The following UBR2 variants were observed in gnomAD, a reference collection of about 807,000 sequenced individuals.
UBR2 encodes E3 ubiquitin-protein ligase UBR2.
A neutral mutation model predicts 247.9 loss-of-function variants in UBR2; 92 were observed. The observed-to-expected ratio is 0.37, with a 90% CI of 0.31 to 0.44. UBR2 has a LOEUF of 0.44. UBR2 is among the 20% of genes least tolerant of loss of function. UBR2 has a pLI of 1.00. For missense variants in UBR2, 1,613 were observed against 2,112.6 expected (o/e 0.76, Z 4.64); for synonymous variants, 672 against 693.5 (o/e 0.97, Z 0.49).
chr6:42,670,923 C>T (rs569414780), intron 36 of UBR2, among the ~76,000 whole-genome samples: 27 of 152,324 alleles, frequency 1.8e-4, no homozygotes, highest in African/African-American at 6.5e-4. Flanking sequence ...CAGTGGCCCA[C>T]GCCTGTAATC....
At chr6:42,675,185 C>G (rs6905797) in intron 38 of UBR2, among the ~76,000 whole-genome samples, 37,067 of 152,068 alleles carry the variant, frequency 0.24, 4,915 homozygotes, top group East Asian at 0.46. Context: ...GTTCTCATTG[C>G]TGCAACTAAA....
At chr6:42,576,716 T>C (rs919709903) in intron 2 of UBR2, among the ~76,000 whole-genome samples, 3 of 152,092 alleles carry the variant, frequency 2.0e-5, no homozygotes, top group African/African-American at 7.2e-5. Context: ...GGATGGGGTT[T>C]CACCACATTG....
In UBR2 at chr6:42,658,705, C is replaced by T. The variant is rs1298623942; in HGVS notation, c.3123C>T (p.Arg1041=). The stretch of plus-strand genomic sequence containing the variant: ...GAAAAGCAGAGATTGCCAGACTGCG[C>T]AGAGAAAAGATCATGGCTCAGATGT... ...RKRKAEIARL[R]REKIMAQMSE... The change falls in exon 29 of 47, where the codon CGC becomes CGT. Residue 1041 remains arginine, a synonymous_variant. Coordinates refer to ENST00000372901, the MANE Select transcript of UBR2 (RefSeq NM_001363705.2). 1.2e-6 allele frequency: 2 copies of T among 1,613,094 alleles called. No homozygotes were observed. Among genetic ancestry groups the T allele is most frequent in the South Asian group, 1.1e-5 (1 of 90,980 alleles).
Position 42,603,723 on chromosome 6 carries a change from G to T in UBR2, c.662+5G>T. 6.3e-7 allele frequency: 1 copy of T among 1,591,554 alleles called. No homozygotes were observed. The highest frequency in any genetic ancestry group is 1.2e-5 in the South Asian group (1 of 85,726). On this transcript the variant is annotated splice_donor_5th_base_variant and intron_variant, in intron 5 of 46. Transcript: ENST00000372901. ...GCCAGCAGATTTAGAGATGGTGTAA[G>T]TATAACCTGTTTATTCTTCATGTAT... is the stretch of plus-strand genomic sequence containing the variant.
At chr6:42,599,569 A>C (rs1793222073) in intron 4 of UBR2, among the ~76,000 whole-genome samples, 1 of 152,168 alleles carries the variant, frequency 6.6e-6, no homozygotes, top group Non-Finnish European at 1.5e-5. Context: ...TTTAAAAAGC[A>C]TTTTTAGCAG....
At position 42,667,655 on chromosome 6, in the gene UBR2, C is replaced by T. The variant is rs1314251452; in HGVS notation, c.3881+1410C>T. Among the ~76,000 whole-genome samples the T allele has an allele frequency of 2.3e-4, 9 of 38,964 alleles. No homozygotes were observed. In the Admixed American group the frequency reaches 2.4e-3, roughly 10 times the overall value. The allele number at this position is 38,964 out of a possible 152,430, so 25.6% of individuals were successfully genotyped here. ...GTCGCCCAGGCTCAGTTTTGTCTTT[C>T]TTATAGTTAATAATTACCTTGTCTT... On this transcript the variant is annotated intron_variant, in intron 34 of 46. Coordinates refer to ENST00000372901, the MANE Select transcript of UBR2 (RefSeq NM_001363705.2).
chr6:42,599,666 TTGAGA>T (rs1253049795), intron 4 of UBR2, among the ~76,000 whole-genome samples: 2 of 152,214 alleles, frequency 1.3e-5, no homozygotes, highest in Middle Eastern at 3.4e-3. Context: ...TTTTGTTTTG[TTGAGA>T]TGAGGTCTTG....
At chr6:42,675,997 A>G in intron 38 of UBR2, 59 bp from the exon 39 acceptor site, 1 of 1,508,800 alleles carries the variant, frequency 6.6e-7, no homozygotes, top group Non-Finnish European at 8.8e-7. Context: ...AGAAGATGGA[A>G]ATTTGCTTAG....
chr6:42,609,819 C>T lies in UBR2; in HGVS notation c.865-2352C>T, dbSNP rs113107034. Among the ~76,000 whole-genome samples the T allele has an allele frequency of 1.2e-3, 188 of 150,854 alleles. 3 individuals carry two copies. The highest frequency in any genetic ancestry group is 4.3e-3 in the African/African-American group (178 of 41,080). On this transcript the variant is annotated intron_variant, in intron 7 of 46. Coordinates refer to ENST00000372901, the MANE Select transcript of UBR2 (RefSeq NM_001363705.2). The stretch of plus-strand genomic sequence containing the variant: ...CTAAGGTAAGAGGATTGCTTGAGCC[C>T]GGGAGGTTGAGGCTGCAGTGAGCTG...
rs573871012 is a variant in UBR2, at chr6:42,674,090, T to G, written c.4184-36T>G. 1.6e-5 allele frequency: 25 copies of G among 1,591,786 alleles called. No homozygotes were observed. The Admixed American group carries it at 4.3e-4, about 28-fold the overall frequency. Reference sequence around the variant, plus strand: ...ATATGCATTTTAACATGTTGGCATATGAAATATGCTAATGTATTTCTCTTT... The same window carrying G: ...ATATGCATTTTAACATGTTGGCATAGGAAATATGCTAATGTATTTCTCTTT... On this transcript the variant is annotated intron_variant, in intron 37 of 46. Coordinates refer to ENST00000372901, the MANE Select transcript of UBR2 (RefSeq NM_001363705.2).
chr6:42,598,906 T>C (rs774502436), intron 4 of UBR2, among the ~76,000 whole-genome samples: 5 of 152,192 alleles, frequency 3.3e-5, no homozygotes, highest in Non-Finnish European at 7.3e-5. Context: ...TTTTTACATC[T>C]TTTTTAATAT....
chr6:42,661,935 CAT>C (rs1434037626), intron 30 of UBR2, among the ~76,000 whole-genome samples: 1 of 152,178 alleles, frequency 6.6e-6, no homozygotes, highest in East Asian at 1.9e-4. Context: ...TATTTAAATT[CAT>C]AGTTCTAATT....
chr6:42,574,301 A>G (rs1005742061), intron 2 of UBR2, among the ~76,000 whole-genome samples: 2 of 152,120 alleles, frequency 1.3e-5, no homozygotes, highest in Non-Finnish European at 2.9e-5. Flanking sequence ...TAGTTACAGT[A>G]ATTCTGATGT....
chr6:42,592,833 C>G (rs1792752340), intron 3 of UBR2, among the ~76,000 whole-genome samples: 1 of 152,098 alleles, frequency 6.6e-6, no homozygotes, highest in African/African-American at 2.4e-5. Flanking sequence ...AACTTTTCCT[C>G]CTGTTTGTTT....
Position 42,619,425 on chromosome 6 carries a change from ATATATATATATATATATATATATATATAT to A in UBR2, c.1281+1920_1281+1948del, listed in dbSNP as rs1375748801. On this transcript the variant is annotated intron_variant, in intron 11 of 46. Transcript: ENST00000372901. ...TCTCGTTATGAACATATATATATAT[ATATATATATATATATATATATATATATAT>A]TTTTTTTTTTTAGTTCTCTATCTCT... is the stretch of plus-strand genomic sequence containing the variant. 2.3e-4 allele frequency: 3 copies of A among 12,832 alleles called. 1 individual carries two copies. The highest frequency in any genetic ancestry group is 4.4e-4 in the Non-Finnish European group (3 of 6,836). The allele number at this position is 12,832 out of a possible 1,614,324, so 0.8% of individuals were successfully genotyped here.
chr6:42,575,373 A>G (rs951203273), intron 2 of UBR2, among the ~76,000 whole-genome samples: 1 of 152,198 alleles, frequency 6.6e-6, no homozygotes, highest in African/African-American at 2.4e-5. Context: ...CTATTACAGA[A>G]ACTACTTTGA....
intron 11 of UBR2, among the ~76,000 whole-genome samples, chr6:42,628,822 G>A (rs989818056): frequency 6.6e-6 from 1 of 151,492 alleles, no homozygotes; most frequent in Admixed American, 6.6e-5. Flanking sequence ...CATTATCCCT[G>A]TATGCTATGG....
intron 1 of UBR2, among the ~76,000 whole-genome samples, chr6:42,569,475 T>C (rs1215798633): frequency 1.3e-5 from 2 of 152,212 alleles, no homozygotes; most frequent in Non-Finnish European, 2.9e-5. Flanking sequence ...TTTCAATTAG[T>C]CTTTTGACCT....
At position 42,652,718 on chromosome 6, in the gene UBR2, A is replaced by G. The variant is rs1474597477; in HGVS notation, c.2769+73A>G. ...AAGCAAAATATTCTTGTCTGTATCT[A>G]TACACAGGAAAACTAGGCCGAAATG... On this transcript the variant is annotated intron_variant, in intron 25 of 46. Transcript: ENST00000372901. 5.7e-6 allele frequency: 8 copies of G among 1,391,434 alleles called. No individual in the cohort carries two copies. The East Asian group carries it at 1.1e-4, about 18-fold the overall frequency. 86.2% of individuals were successfully genotyped at this position (1,391,434 alleles called of 1,614,324 possible).
Sources: gnomAD v4.1 joint callset for allele counts (sites outside exome capture counted in the v4.1 genomes callset) on GRCh38, gnomAD v4.1.1 for gene constraint, MANE v1.5 for transcripts, NCBI Gene and HGNC (gene_info 2026-07-23, HGNC 2026-07-21) for gene names.